The following TSEN15 variants were observed in gnomAD, a reference collection of about 807,000 sequenced individuals.
TSEN15 encodes tRNA-splicing endonuclease subunit Sen15.
TSEN15 carries 10 observed loss-of-function variants against 20.5 expected under a neutral mutation model. The observed-to-expected ratio is 0.49, with a 90% CI of 0.30 to 0.83. The LOEUF is 0.83. Ranked by LOEUF, TSEN15 falls within the 40% of genes least tolerant of loss-of-function variation. TSEN15 has a pLI of 0.06. For synonymous variants in TSEN15, 72 were observed against 80.1 expected, an observed-to-expected ratio of 0.90 and a Z score of 0.54; for missense variants, 180 against 218.6, an observed-to-expected ratio of 0.82 and a Z score of 1.11.
At chr1:184,093,475 C>T (rs1024617408) in intron 3 of TSEN15, 2 of 152,100 alleles carry the variant, frequency 1.3e-5, no homozygotes, top group Non-Finnish European at 2.9e-5. Flanking sequence ...TAAAATCTAT[C>T]TCTTAGGGCT....
At chr1:184,055,478 T>C (rs1408245345) in intron 3 of TSEN15, among the ~76,000 whole-genome samples, 1 of 152,196 alleles carries the variant, frequency 6.6e-6, no homozygotes, top group Non-Finnish European at 1.5e-5. Context: ...TCAGTACTTT[T>C]TCAGAGACAG....
Position 184,072,303 on chromosome 1 carries a change from G to C in TSEN15, c.495+5G>C. On this transcript the variant is annotated splice_donor_5th_base_variant and intron_variant, in intron 4 of 4. Coordinates refer to ENST00000645668, the MANE Select transcript of TSEN15 (RefSeq NM_052965.4). ...TTTATGCTGCCAGACCCTCAGGTCAGTTTTGAGGTAACTGACAGCAAGAAG... is the reference window on the plus strand; with the variant it reads ...TTTATGCTGCCAGACCCTCAGGTCACTTTTGAGGTAACTGACAGCAAGAAG... The C allele has an allele frequency of 6.3e-7, 1 of 1,592,806 alleles. No homozygotes were observed. The highest frequency in any genetic ancestry group is 1.4e-5 in the African/African-American group (1 of 73,530).
At chr1:184,089,282 A>G (rs1651316835) in intron 3 of TSEN15, among the ~76,000 whole-genome samples, 1 of 152,126 alleles carries the variant, frequency 6.6e-6, no homozygotes, top group South Asian at 2.1e-4. Flanking sequence ...TTTTTCTATT[A>G]CATTTCCTAC....
chr1:184,083,825 C>T (rs1232410173), intron 3 of TSEN15, among the ~76,000 whole-genome samples: 1 of 151,958 alleles, frequency 6.6e-6, no homozygotes, highest in Admixed American at 6.6e-5. Context: ...ATCTGTGATC[C>T]CCTCTAGCTC....
At chr1:184,067,525 G>A (rs900744485) in intron 3 of TSEN15, among the ~76,000 whole-genome samples, 15 of 152,046 alleles carry the variant, frequency 9.9e-5, no homozygotes, top group African/African-American at 3.6e-4. Flanking sequence ...GCTATCTTAG[G>A]CTACTGTGTT....
intron 3 of TSEN15, chr1:184,094,892 G>T: frequency 2.5e-6 from 1 of 396,666 alleles, no homozygotes; most frequent in Non-Finnish European, 4.4e-6. Flanking sequence ...GGTGAACTGG[G>T]GTACTAGCTC....
At chr1:184,088,412 A>C (rs1651301919) in intron 3 of TSEN15, among the ~76,000 whole-genome samples, 1 of 152,136 alleles carries the variant, frequency 6.6e-6, no homozygotes, top group Non-Finnish European at 1.5e-5. Context: ...ATGTTCAATA[A>C]GTGGAATTCT....
At chr1:184,058,982 A>T (rs574679621) in intron 3 of TSEN15, among the ~76,000 whole-genome samples, 1 of 151,910 alleles carries the variant, frequency 6.6e-6, no homozygotes, top group East Asian at 1.9e-4. Flanking sequence ...TACTTTCATG[A>T]CATCCTCATG....
At chr1:184,075,354 T>G (rs1163074295), downstream of TSEN15, among the ~76,000 whole-genome samples, 1 of 152,194 alleles carries the variant, frequency 6.6e-6, no homozygotes, top group Non-Finnish European at 1.5e-5. Context: ...CTCATTTTAA[T>G]GAAAAACTAG....
intron 3 of TSEN15, among the ~76,000 whole-genome samples, chr1:184,090,900 A>G (rs2102904940): frequency 6.6e-6 from 1 of 152,240 alleles, no homozygotes; most frequent in Middle Eastern, 3.4e-3. Flanking sequence ...TTTCTTGACC[A>G]ATTTTCTGTA....
intron 3 of TSEN15, among the ~76,000 whole-genome samples, chr1:184,080,814 A>T (rs188422097): frequency 6.6e-6 from 1 of 152,154 alleles, no homozygotes; most frequent in Admixed American, 6.6e-5. Context: ...TTGCACCTCA[A>T]TGAAGAAGAC....
chr1:184,068,270 G>A (rs947020276), intron 3 of TSEN15, among the ~76,000 whole-genome samples: 22 of 151,956 alleles, frequency 1.4e-4, no homozygotes, highest in Admixed American at 7.9e-4. Flanking sequence ...TTGAAGGACC[G>A]TCCATTATTA....
At chr1:184,070,676 A>C (rs1204841740) in intron 3 of TSEN15, 1 of 1,289,950 alleles carries the variant, frequency 7.8e-7, no homozygotes, top group Non-Finnish European at 1.0e-6. Flanking sequence ...ATTTGCATTG[A>C]AGAAGCAATT....
chr1:184,060,881 G>A (rs1427643720), intron 3 of TSEN15, among the ~76,000 whole-genome samples: 1 of 152,148 alleles, frequency 6.6e-6, no homozygotes, highest in African/African-American at 2.4e-5. Flanking sequence ...CAATACCAAT[G>A]TATAAATTAA....
chr1:184,056,748 C>A (rs974429541), intron 3 of TSEN15, among the ~76,000 whole-genome samples: 4 of 152,140 alleles, frequency 2.6e-5, no homozygotes, highest in African/African-American at 9.7e-5. Context: ...CCCTCCTTTC[C>A]TCACTATCTG....
At chr1:184,085,033 A>G (rs1221880566) in intron 3 of TSEN15, among the ~76,000 whole-genome samples, 1 of 151,810 alleles carries the variant, frequency 6.6e-6, no homozygotes, top group Non-Finnish European at 1.5e-5. Context: ...TTAGGTTTAG[A>G]TAAATTGCAT....
intron 3 of TSEN15, among the ~76,000 whole-genome samples, chr1:184,062,899 C>T (rs181892627): frequency 4.6e-5 from 7 of 151,946 alleles, no homozygotes; most frequent in African/African-American, 1.7e-4. Flanking sequence ...AAAAGCTGAG[C>T]GAAGTGAAAT....
intron 3 of TSEN15, among the ~76,000 whole-genome samples, chr1:184,059,870 C>T (rs1029320790): frequency 3.3e-5 from 5 of 152,212 alleles, no homozygotes; most frequent in Admixed American, 3.3e-4. Context: ...TAGGCCTGGC[C>T]TATCCCTTCA....
intron 3 of TSEN15, among the ~76,000 whole-genome samples, chr1:184,083,017 TCA>T (rs1241652411): frequency 1.3e-5 from 2 of 152,184 alleles, no homozygotes; most frequent in Non-Finnish European, 2.9e-5. Flanking sequence ...ATATTGATAC[TCA>T]CAAGACCTAT....
Sources: allele counts gnomAD v4.1 joint callset (sites outside exome capture counted in the v4.1 genomes callset), GRCh38; gene constraint gnomAD v4.1.1; transcripts MANE v1.5; gene names NCBI Gene and HGNC (gene_info 2026-07-23, HGNC 2026-07-21).